Variants in CARM1 observed in about 807,000 individuals in gnomAD.
The protein encoded by CARM1 is histone-arginine methyltransferase CARM1.
Under a neutral mutation model 72.7 loss-of-function variants are expected in CARM1, and 14 were observed. The ratio of observed to expected loss-of-function variants is 0.19; its 90% CI spans 0.13 to 0.30. The LOEUF is 0.30. CARM1 is among the 10% of genes least tolerant of loss of function. The pLI, the probability that CARM1 is intolerant of heterozygous loss-of-function variation, is 1.00. For missense variants in CARM1, 432 were observed against 833.7 expected (o/e 0.52, Z 5.93); for synonymous variants, 333 against 345.5 (o/e 0.96, Z 0.40).
rs2073815464 is a variant in CARM1 at position 10,871,613 on chromosome 19, G to GGCGGCGGCGGCGGCGGCGGCA, written c.-70_-69insAGCGGCGGCGGCGGCGGCGGC. The GGCGGCGGCGGCGGCGGCGGCA allele has an allele frequency of 1.3e-4, 18 of 139,142 alleles. No homozygotes were observed. The highest frequency in any genetic ancestry group is 2.4e-4 in the Non-Finnish European group (17 of 71,678). The allele number at this position is 139,142 out of a possible 1,614,324, so 8.6% of individuals were successfully genotyped here. Reference sequence around the variant, plus strand: ...CAGCGGCGGCGGCGGCGGCGGCGGCGGCGGCGGCGGCGGCGGCGGCGGCGG... The same window carrying GGCGGCGGCGGCGGCGGCGGCA: ...CAGCGGCGGCGGCGGCGGCGGCGGCGGCGGCGGCGGCGGCGGCGGCAGCGGCGGCGGCGGCGGCGGCGGCGG... On this transcript the variant is annotated 5_prime_UTR_variant, in exon 1 of 16. Coordinates refer to ENST00000327064, the MANE Select transcript of CARM1 (RefSeq NM_199141.2). This position sits in a 1 kb window ranked among gnomAD's most constrained non-coding sequence, Gnocchi z 5.6.
rs748954728 is a variant in CARM1, at chr19:10,912,079, A to T, written c.559-105A>T. On this transcript the variant is annotated intron_variant, in intron 4 of 15. Transcript: ENST00000327064. This position sits in a 1 kb window ranked among gnomAD's most constrained non-coding sequence, Gnocchi z 4.5. ...GAGCCCATAAAGGGCAAACATTGAG[A>T]GTGAAGACAGACGCCTCATGATGTG... 5 of 845,240 alleles carry T rather than the reference A, an allele frequency of 5.9e-6. No individual in the cohort carries two copies. The highest frequency in any genetic ancestry group is 1.7e-5 in the African/African-American group (1 of 60,272). The allele number at this position is 845,240 out of a possible 1,614,324, so 52.4% of individuals were successfully genotyped here.
chr19:10,875,915 G>A (rs182231516), intron 1 of CARM1, among the ~76,000 whole-genome samples: 1 of 150,520 alleles, frequency 6.6e-6, no homozygotes, highest in East Asian at 2.0e-4. Context: ...TGCCCAGGCT[G>A]GAGTGCAATG....
chr19:10,898,396 C>T (rs2074039173), intron 1 of CARM1, among the ~76,000 whole-genome samples: 1 of 152,178 alleles, frequency 6.6e-6, no homozygotes, highest in Admixed American at 6.5e-5. Context: ...TTTTGGTCAC[C>T]CTTGCCTGCT....
rs1046237547 is a variant in CARM1 at position 10,909,489 on chromosome 19, A to G, written c.558+282A>G. Among the ~76,000 whole-genome samples, 4 of 151,854 alleles carry G rather than the reference A, an allele frequency of 2.6e-5. No individual in the cohort carries two copies. The East Asian group carries it at 7.8e-4, about 29-fold the overall frequency. ...GGTGGCTCACGCCTGTAATCCCAGC[A>G]CTTTGGGACGCCCAGGCGGGCGGGT... On this transcript the variant is annotated intron_variant, in intron 4 of 15. Transcript: ENST00000327064.
At chr19:10,900,069 A>G (rs2074053176) in intron 1 of CARM1, among the ~76,000 whole-genome samples, 1 of 152,074 alleles carries the variant, frequency 6.6e-6, no homozygotes, top group Non-Finnish European at 1.5e-5. Flanking sequence ...AGCACTTTGG[A>G]GGCCAAGGTG....
intron 1 of CARM1, among the ~76,000 whole-genome samples, chr19:10,899,670 G>C: frequency 6.6e-6 from 1 of 151,936 alleles, no homozygotes; most frequent in Non-Finnish European, 1.5e-5. Flanking sequence ...TCTCATATCT[G>C]TAGGCCCTCA....
At chr19:10,906,979 T>C (rs1010546756) in intron 2 of CARM1, among the ~76,000 whole-genome samples, 1 of 151,582 alleles carries the variant, frequency 6.6e-6, no homozygotes, top group African/African-American at 2.4e-5. Context: ...CAATCTTGGC[T>C]CACTGCAACC....
chr19:10,873,966 T>C (rs1473526855), intron 1 of CARM1, among the ~76,000 whole-genome samples: 1 of 152,096 alleles, frequency 6.6e-6, no homozygotes, highest in Non-Finnish European at 1.5e-5. Flanking sequence ...ATAGATGTAT[T>C]GGCAACATAG....
Position 10,871,624 on chromosome 19 carries a change from CGG to C in CARM1, c.-78_-77del. The C allele has an allele frequency of 6.1e-6, 1 of 163,616 alleles. No individual in the cohort carries two copies. The highest frequency in any genetic ancestry group is 1.0e-5 in the Non-Finnish European group (1 of 98,000). The allele number at this position is 163,616 out of a possible 1,614,324, so 10.1% of individuals were successfully genotyped here. A position where few individuals can be genotyped will look rare whatever the true frequency, so the allele number is the denominator to read the frequency against. On this transcript the variant is annotated 5_prime_UTR_variant, in exon 1 of 16. Coordinates refer to ENST00000327064, the MANE Select transcript of CARM1 (RefSeq NM_199141.2). The surrounding 1 kb of genome is among the most constrained non-coding windows in gnomAD (Gnocchi z 5.6). ...GCGGCGGCGGCGGCGGCGGCGGCGG[CGG>C]CGGCGGCGGCGGCAGCGGCGGCGGC...
At chr19:10,890,796 T>TATATATA (rs1491268258) in intron 1 of CARM1, among the ~76,000 whole-genome samples, 1 of 63,400 alleles carries the variant, frequency 1.6e-5, no homozygotes, top group Non-Finnish European at 3.0e-5. Context: ...TATATATATA[T>TATATATA]TTTTTTTTTT....
chr19:10,883,702 C>T (rs2073918767), intron 1 of CARM1, among the ~76,000 whole-genome samples: 1 of 152,190 alleles, frequency 6.6e-6, no homozygotes, highest in South Asian at 2.1e-4. Flanking sequence ...TACAGGTATG[C>T]GCCACCACGG....
chr19:10,898,135 T>C (rs1488397615), intron 1 of CARM1, among the ~76,000 whole-genome samples: 5 of 149,046 alleles, frequency 3.4e-5, no homozygotes, highest in Non-Finnish European at 7.4e-5. Context: ...AAAGAAACCC[T>C]GTCTCTAATA....
rs1269974990 is a variant in CARM1, at chr19:10,871,710, C to A, written c.8C>A (p.Ala3Glu). ...CCTGGAGCCGGATCTAAGATGGCAG[C>A]GGCGGCGGCGGCGGTGGGGCCGGGC... Reference protein sequence around the residue: MAAAAAAVGPGAG... With the variant: MAEAAAAVGPGAG... Residue 3 changes from alanine to glutamate, a missense_variant, in exon 1 of 16, where the codon GCG becomes GAG. By Grantham distance (107) the Ala-to-Glu change is moderately radical. Coordinates refer to ENST00000327064, the MANE Select transcript of CARM1 (RefSeq NM_199141.2). This position sits in a 1 kb window ranked among gnomAD's most constrained non-coding sequence, Gnocchi z 5.6. 1.3e-6 allele frequency: 1 copy of A among 797,284 alleles called. No homozygotes were observed. Among genetic ancestry groups the A allele is most frequent in the Non-Finnish European group, 1.5e-6 (1 of 659,616 alleles). 49.4% of individuals were successfully genotyped at this position (797,284 alleles called of 1,614,324 possible).
intron 2 of CARM1, among the ~76,000 whole-genome samples, chr19:10,905,871 C>A (rs1399321916): frequency 6.6e-6 from 1 of 151,570 alleles, no homozygotes; most frequent in African/African-American, 2.4e-5. Flanking sequence ...GAACTCCTGG[C>A]CTCAAGTGAG....
At chr19:10,906,092 C>T (rs142259526) in intron 2 of CARM1, among the ~76,000 whole-genome samples, 102 of 149,586 alleles carry the variant, frequency 6.8e-4, no homozygotes, top group Middle Eastern at 7.3e-3. Flanking sequence ...TGGGACTACA[C>T]GTGTGTGCCA....
At chr19:10,898,556 C>T (rs997656017) in intron 1 of CARM1, among the ~76,000 whole-genome samples, 7 of 152,360 alleles carry the variant, frequency 4.6e-5, no homozygotes, top group Non-Finnish European at 7.4e-5. Flanking sequence ...TGCCCCCTTC[C>T]GCGGCTCCCA....
At chr19:10,873,117 A>C (rs2073833044) in intron 1 of CARM1, among the ~76,000 whole-genome samples, 1 of 152,114 alleles carries the variant, frequency 6.6e-6, no homozygotes, top group Non-Finnish European at 1.5e-5. Context: ...CGGGGGTTTC[A>C]GAGTTCAAGG....
intron 1 of CARM1, among the ~76,000 whole-genome samples, chr19:10,902,007 G>C (rs1035441017): frequency 6.6e-6 from 1 of 152,064 alleles, no homozygotes; most frequent in African/African-American, 2.4e-5. Context: ...ACTTTGGGAC[G>C]CCGAGGCAGA....
intron 1 of CARM1, among the ~76,000 whole-genome samples, chr19:10,891,845 G>C (rs539587603): frequency 6.6e-6 from 1 of 152,208 alleles, no homozygotes; most frequent in African/African-American, 2.4e-5. Flanking sequence ...AAGCGCGCAC[G>C]CATAAATCTC....
Sources: allele counts gnomAD v4.1 joint callset (sites outside exome capture counted in the v4.1 genomes callset), GRCh38; gene constraint gnomAD v4.1.1; non-coding constraint Gnocchi (gnomAD v3.1); transcripts MANE v1.5; gene names NCBI Gene and HGNC (gene_info 2026-07-23, HGNC 2026-07-21).